Variants in WNK1 observed in about 807,000 individuals in gnomAD.
WNK1 encodes WNK lysine deficient protein kinase 1.
In WNK1, 38 loss-of-function variants were observed where a neutral mutation model predicts 222.8. That is an observed-to-expected ratio of 0.17 (90% CI 0.13 to 0.22). The LOEUF (loss-of-function observed/expected upper bound fraction) is 0.22. WNK1 is among the 10% of genes least tolerant of loss of function. The pLI is 1.00. For missense variants in WNK1, 2,348 were observed against 2,918.4 expected (o/e 0.80, Z 4.50); for synonymous variants, 1,090 against 1,092.9 (o/e 1.00, Z 0.05).
intron 1 of WNK1, among the ~76,000 whole-genome samples, chr12:757,822 G>A (rs1156244386): frequency 6.8e-5 from 10 of 146,776 alleles, no homozygotes; most frequent in African/African-American, 2.2e-4. Flanking sequence ...TGGATCACGC[G>A]GTCAGGAGTT....
intron 27 of WNK1, 25 bp from the exon 28 acceptor site, chr12:908,450 T>C (rs755872915): frequency 1.2e-6 from 2 of 1,613,806 alleles, no homozygotes; most frequent in Admixed American, 3.3e-5. Context: ...ACACCAGACT[T>C]GACACGTGGT....
chr12:800,396 G>A (rs1945757558), intron 1 of WNK1, among the ~76,000 whole-genome samples: 1 of 151,788 alleles, frequency 6.6e-6, no homozygotes, highest in Admixed American at 6.6e-5. Context: ...CTTTCCTCTA[G>A]CATTCAGGTT....
chr12:814,621 G>C (rs1052717590), intron 2 of WNK1, among the ~76,000 whole-genome samples: 4 of 152,096 alleles, frequency 2.6e-5, no homozygotes, highest in African/African-American at 4.8e-5. Flanking sequence ...TTATTGTAAA[G>C]AGCTTTTGGT....
At chr12:849,741 C>T (rs1173219150) in intron 4 of WNK1, among the ~76,000 whole-genome samples, 2 of 151,958 alleles carry the variant, frequency 1.3e-5, no homozygotes, top group Non-Finnish European at 2.9e-5. Flanking sequence ...CAACAGGCCC[C>T]GGTGTGTGAT....
intron 26 of WNK1, among the ~76,000 whole-genome samples, chr12:905,266 G>A (rs1240947161): frequency 6.6e-6 from 1 of 152,128 alleles, no homozygotes; most frequent in East Asian, 1.9e-4. Context: ...TTTCTGGTCA[G>A]AAAATGATAG....
intron 1 of WNK1, among the ~76,000 whole-genome samples, chr12:785,613 G>A (rs1310800238): frequency 6.6e-6 from 1 of 152,048 alleles, no homozygotes; most frequent in Non-Finnish European, 1.5e-5. Flanking sequence ...TCGCCAGGGT[G>A]ATCTGGATCT....
intron 8 of WNK1, among the ~76,000 whole-genome samples, chr12:865,823 C>G (rs538785865): frequency 5.3e-5 from 8 of 151,500 alleles, no homozygotes; most frequent in African/African-American, 1.9e-4. Flanking sequence ...CCTTAGTCAG[C>G]AAAGAATAAC....
chr12:759,400 G>A lies in WNK1; in HGVS notation c.759+5076G>A, dbSNP rs111863870. 9.9e-3 allele frequency among the ~76,000 whole-genome samples: 1,445 copies of A among 146,600 alleles called. 76 individuals are homozygous for A. The highest frequency in any genetic ancestry group is 0.033 in the African/African-American group (1,370 of 40,962). ...GGCTGGAGTACAGTGGCGCGATCTCGGCTCACTGCAACCTCCACCTCCCGG... is the reference window on the plus strand; with the variant it reads ...GGCTGGAGTACAGTGGCGCGATCTCAGCTCACTGCAACCTCCACCTCCCGG... On this transcript the variant is annotated intron_variant, in intron 1 of 27. Transcript: ENST00000315939.
intron 9 of WNK1, among the ~76,000 whole-genome samples, chr12:873,345 T>A (rs546955791): frequency 1.3e-5 from 2 of 151,954 alleles, no homozygotes; most frequent in African/African-American, 4.8e-5. Context: ...AAATGTCAGA[T>A]TAAAAGAATT....
intron 4 of WNK1, chr12:851,764 A>T (rs747153412): frequency 3.0e-6 from 4 of 1,346,396 alleles, no homozygotes; most frequent in Non-Finnish European, 3.9e-6. Flanking sequence ...GCTGCCCTCA[A>T]AAGGATTGTA....
At chr12:904,981 T>C (rs1955579373) in intron 26 of WNK1, among the ~76,000 whole-genome samples, 1 of 152,204 alleles carries the variant, frequency 6.6e-6, no homozygotes, top group Non-Finnish European at 1.5e-5. Context: ...CCACTTACAG[T>C]GTTGTAGGTA....
chr12:797,821 C>T (rs902165738), intron 1 of WNK1, among the ~76,000 whole-genome samples: 14 of 151,550 alleles, frequency 9.2e-5, no homozygotes, highest in Non-Finnish European at 2.1e-4. Context: ...TGGTGGCGGG[C>T]GCCTGTAATC....
intron 1 of WNK1, among the ~76,000 whole-genome samples, chr12:783,633 CAA>C (rs1231127359): frequency 4.4e-5 from 4 of 90,586 alleles, no homozygotes; most frequent in East Asian, 3.0e-4. Context: ...CTGTCTCCAC[CAA>C]AAAAAAAAAA....
chr12:903,588 C>T (rs1955452652), intron 26 of WNK1, among the ~76,000 whole-genome samples: 1 of 152,134 alleles, frequency 6.6e-6, no homozygotes, highest in South Asian at 2.1e-4. Context: ...AAATTCTCAT[C>T]CCACTTTTAA....
intron 9 of WNK1, among the ~76,000 whole-genome samples, chr12:872,762 C>CA (rs1648859265): frequency 6.6e-6 from 1 of 152,124 alleles, no homozygotes; most frequent in Non-Finnish European, 1.5e-5. Flanking sequence ...GGTTTTGAAA[C>CA]AAAGTTTTCG....
intron 1 of WNK1, among the ~76,000 whole-genome samples, chr12:758,013 T>C (rs1200862209): frequency 7.6e-6 from 1 of 131,158 alleles, no homozygotes; most frequent in Non-Finnish European, 1.6e-5. Context: ...CCAGCCTGGG[T>C]GACAGGGTGA....
chr12:895,399 T>G (rs1954648752), intron 23 of WNK1, among the ~76,000 whole-genome samples: 1 of 152,158 alleles, frequency 6.6e-6, no homozygotes, highest in East Asian at 1.9e-4. Context: ...ACCCTAAAAA[T>G]TCTACAATGC....
chr12:908,289 C>A, intron 27 of WNK1, 186 bp from the exon 28 acceptor site: 4 of 762,356 alleles, frequency 5.2e-6, no homozygotes, highest in Non-Finnish European at 8.7e-6. Context: ...GACACACACG[C>A]ACATGACATC....
intron 24 of WNK1, 141 bp from the exon 25 acceptor site, chr12:897,338 A>G (rs1385694218): frequency 2.8e-6 from 2 of 704,902 alleles, no homozygotes; most frequent in Non-Finnish European, 5.1e-6. Flanking sequence ...GACAAACTAG[A>G]ATCTCGTGGT....
Sources: allele counts gnomAD v4.1 joint callset (sites outside exome capture counted in the v4.1 genomes callset), GRCh38; gene constraint gnomAD v4.1.1; transcripts MANE v1.5; gene names NCBI Gene and HGNC (gene_info 2026-07-23, HGNC 2026-07-21).